Variants in MYO7B observed in about 807,000 individuals in gnomAD.
The protein encoded by MYO7B is myosin VIIB.
In MYO7B, 212 loss-of-function variants were observed where a neutral mutation model predicts 259.7. That is an observed-to-expected ratio of 0.82 (90% CI 0.73 to 0.91). The LOEUF is 0.91. MYO7B is among the 40% of genes least tolerant of loss of function. MYO7B has a pLI of 0.00. For synonymous variants in MYO7B, 1,197 were observed against 1,166.4 expected (o/e 1.03, Z -0.54); for missense variants, 2,732 against 2,813.5 (o/e 0.97, Z 0.66).
chr2:127,536,012 G>A (rs1238615753), intron 1 of MYO7B, among the ~76,000 whole-genome samples, 181 bp downstream of exon 1: 2 of 152,128 alleles, frequency 1.3e-5, no homozygotes, highest in African/African-American at 2.4e-5. Context: ...TCAGTCCATC[G>A]GGCTGAAGGG....
Position 127,631,171 on chromosome 2 carries a change from C to T in MYO7B, c.4938-35C>T, listed in dbSNP as rs1681481218. On this transcript the variant is annotated intron_variant, in intron 36 of 47. Coordinates refer to ENST00000409816, the MANE Select transcript of MYO7B (RefSeq NM_001393586.1). Reference sequence around the variant, plus strand: ...GAGAAGCGTGGGACAGAGAAGGCCACAGGGCAGGCCTCACACCAGCCTCTA... The same window carrying T: ...GAGAAGCGTGGGACAGAGAAGGCCATAGGGCAGGCCTCACACCAGCCTCTA... The T allele has an allele frequency of 1.9e-6, 3 of 1,554,112 alleles. No individual in the cohort carries two copies. The South Asian group carries it at 3.6e-5, about 19-fold the overall frequency.
At position 127,620,474 on chromosome 2, in the gene MYO7B, G is replaced by A. The variant is rs745811337; in HGVS notation, c.3525+8G>A. 1.3e-6 allele frequency: 2 copies of A among 1,542,308 alleles called. No homozygotes were observed. The highest frequency in any genetic ancestry group is 1.8e-6 in the Non-Finnish European group (2 of 1,132,866). The stretch of plus-strand genomic sequence containing the variant: ...TCAGAGAGGTTCATGAAGGTGAGAG[G>A]GTTCATGAAGGGAGGGCGGGCAGGG... On this transcript the variant is annotated splice_region_variant and intron_variant, in intron 27 of 47. Transcript: ENST00000409816.
At chr2:127,570,851 C>T (rs192639302) in intron 6 of MYO7B, among the ~76,000 whole-genome samples, 124 of 152,042 alleles carry the variant, frequency 8.2e-4, no homozygotes, top group African/African-American at 2.7e-3. Flanking sequence ...AGTAAAATCA[C>T]AGGGTTTGTA....
In MYO7B at chr2:127,546,651, C is replaced by A. The variant is rs1256101189; in HGVS notation, c.-24+10820C>A. On this transcript the variant is annotated intron_variant, in intron 1 of 47. Transcript: ENST00000409816. The surrounding 1 kb of genome is among the most constrained non-coding windows in gnomAD (Gnocchi z 4.2). ...TCAGCCACACTGACCTGCCTCAGGGCTTAACAAAAGGAACTGGACTAAGAA... is the reference window on the plus strand; with the variant it reads ...TCAGCCACACTGACCTGCCTCAGGGATTAACAAAAGGAACTGGACTAAGAA... 6.6e-6 allele frequency among the ~76,000 whole-genome samples: 1 copy of A among 152,180 alleles called. No individual in the cohort carries two copies. The highest frequency in any genetic ancestry group is 1.5e-5 in the Non-Finnish European group (1 of 68,032).
At chr2:127,593,712 AGGCCC>A in intron 18 of MYO7B, 68 bp downstream of exon 18, 1 of 1,432,232 alleles carries the variant, frequency 7.0e-7, no homozygotes, top group Non-Finnish European at 9.8e-7. Flanking sequence ...CTCTTGCACC[AGGCCC>A]GGGGTCCATG....
At chr2:127,588,634 T>G in intron 15 of MYO7B, 79 bp downstream of exon 15, 1 of 1,550,450 alleles carries the variant, frequency 6.4e-7, no homozygotes, top group Non-Finnish European at 8.8e-7. Flanking sequence ...GAAAGACTGT[T>G]TTACTCACCT....
At position 127,634,327 on chromosome 2, in the gene MYO7B, G is replaced by A. The variant is rs115958237; in HGVS notation, c.5625+38G>A. 6.7e-3 allele frequency: 9,728 copies of A among 1,460,710 alleles called. 43 individuals are homozygous for A. Among genetic ancestry groups the A allele is most frequent in the Non-Finnish European group, 7.7e-3 (8,310 of 1,079,558 alleles). The allele number at this position is 1,460,710 out of a possible 1,614,324, so 90.5% of individuals were successfully genotyped here. A position where few individuals can be genotyped will look rare whatever the true frequency, so the allele number is the denominator to read the frequency against. Reference sequence around the variant, plus strand: ...GGGGCTGGGCAGACGGTGGGCGGACGGGCAGTGAGCGAGGCCCTAGGTGCT... The same window carrying A: ...GGGGCTGGGCAGACGGTGGGCGGACAGGCAGTGAGCGAGGCCCTAGGTGCT... On this transcript the variant is annotated intron_variant, in intron 41 of 47. Coordinates refer to ENST00000409816, the MANE Select transcript of MYO7B (RefSeq NM_001393586.1).
chr2:127,623,266 T>C lies in MYO7B; in HGVS notation c.3710T>C (p.Val1237Ala), dbSNP rs1172979855. Residue 1237 changes from valine (V) to alanine (A), a missense_variant, in exon 29 of 48, where the codon GTC becomes GCC. By Grantham distance (64) the Val-to-Ala change is moderately conservative (BLOSUM62 0). Coordinates refer to ENST00000409816, the MANE Select transcript of MYO7B (RefSeq NM_001393586.1). Reference sequence around the variant, plus strand: ...TTGGCCACTGGAGAGAGCCTAACCGTCCCCGTGGACTCAGCCTCCACATCT... The same window carrying C: ...TTGGCCACTGGAGAGAGCCTAACCGCCCCCGTGGACTCAGCCTCCACATCT... The part of the protein sequence containing the change: ...VILATGESLT[V>A]PVDSASTSRE... 6.2e-7 allele frequency: 1 copy of C among 1,613,400 alleles called. No individual in the cohort carries two copies. Among genetic ancestry groups the C allele is most frequent in the African/African-American group, 1.3e-5 (1 of 74,866 alleles).
chr2:127,607,191 C>T lies in MYO7B; in HGVS notation c.2425-15C>T, dbSNP rs540821504. The T allele has an allele frequency of 1.6e-5, 25 of 1,543,120 alleles. No homozygotes were observed. In the African/African-American group the frequency reaches 2.6e-4, roughly 16 times the overall value. On this transcript the variant is annotated splice_polypyrimidine_tract_variant and intron_variant, in intron 20 of 47. Transcript: ENST00000409816. The surrounding 1 kb of genome is among the most constrained non-coding windows in gnomAD (Gnocchi z 4.4). ...CCTTCTTGCCCCTGATCTCACCTCT[C>T]TCTTGCCTCCGCAGATCCTCGTGGG...
Position 127,633,339 on chromosome 2 carries a change from C to T in MYO7B, c.5487C>T (p.Ile1829=). 6.2e-7 allele frequency: 1 copy of T among 1,613,080 alleles called. No individual in the cohort carries two copies. The highest frequency in any genetic ancestry group is 8.5e-7 in the Non-Finnish European group (1 of 1,179,792). Residue 1829 remains isoleucine, a synonymous_variant, in exon 40 of 48, where the codon ATC becomes ATT. Transcript: ENST00000409816. ...ACGTCTCCCGCATCTGCCACAAGAT[C>T]TACTTCCCCAATGACACCAGTGAGG... ...EQNVSRICHK[I]YFPNDTSEML... is the part of the protein sequence containing the mutation.
In MYO7B at chr2:127,588,265, G is replaced by T. The variant is rs556422709; in HGVS notation, c.1691-127G>T. On this transcript the variant is annotated intron_variant, in intron 14 of 47. Transcript: ENST00000409816. ...GGGTAGAGGGGTGGAGAGCATGGCC[G>T]TAGTGGGGCCATTGTAGGAGGGGGC... The T allele has an allele frequency of 7.5e-6, 8 of 1,063,602 alleles. No individual in the cohort carries two copies. In the East Asian group the frequency reaches 1.8e-4, roughly 24 times the overall value. 65.9% of individuals were successfully genotyped at this position (1,063,602 alleles called of 1,614,324 possible).
rs1677960623 is a variant in MYO7B, at chr2:127,559,142, A to G, written c.-23-558A>G. On this transcript the variant is annotated intron_variant, in intron 1 of 47. Coordinates refer to ENST00000409816, the MANE Select transcript of MYO7B (RefSeq NM_001393586.1). The surrounding 1 kb of genome is among the most constrained non-coding windows in gnomAD (Gnocchi z 4.1). Reference sequence around the variant, plus strand: ...CTCCTCCTGCTGGGCCTGGCTGCCTACTTGGGCCTGGCTGCCTGCTCCCTC... The same window carrying G: ...CTCCTCCTGCTGGGCCTGGCTGCCTGCTTGGGCCTGGCTGCCTGCTCCCTC... Among the ~76,000 whole-genome samples, 1 of 152,092 alleles carries G rather than the reference A, an allele frequency of 6.6e-6. No individual in the cohort carries two copies. The highest frequency in any genetic ancestry group is 6.5e-5 in the Admixed American group (1 of 15,268).
At chr2:127,625,340 G>A (rs547884495) in intron 30 of MYO7B, 28 bp from the exon 31 acceptor site, 28 of 1,489,396 alleles carry the variant, frequency 1.9e-5, no homozygotes, top group South Asian at 1.1e-4. Flanking sequence ...TGTCTCACTC[G>A]CCCCCGTGGG....
rs1481559691 is a variant in MYO7B at position 127,597,852 on chromosome 2, G to A, written c.2339+1296G>A. Among the ~76,000 whole-genome samples, 3 of 151,946 alleles carry A rather than the reference G, an allele frequency of 2.0e-5. No individual in the cohort carries two copies. Among genetic ancestry groups the A allele is most frequent in the Admixed American group, 6.6e-5 (1 of 15,246 alleles). On this transcript the variant is annotated intron_variant, in intron 19 of 47. Coordinates refer to ENST00000409816, the MANE Select transcript of MYO7B (RefSeq NM_001393586.1). The surrounding 1 kb of genome is among the most constrained non-coding windows in gnomAD (Gnocchi z 4.8). ...GGGGTTTCGCCATGTTACCCAAACT[G>A]GTCTCAAACTCCTGGCCTCAAGTGA...
chr2:127,633,182 G>C, intron 39 of MYO7B, 76 bp from the exon 40 acceptor site: 2 of 1,140,688 alleles, frequency 1.8e-6, no homozygotes, highest in East Asian at 2.6e-5. Flanking sequence ...ACATGGTTTA[G>C]GGCCCACATC....
At chr2:127,538,498 T>C (rs1692879107) in intron 1 of MYO7B, among the ~76,000 whole-genome samples, 2 of 152,100 alleles carry the variant, frequency 1.3e-5, no homozygotes, top group South Asian at 4.1e-4. Flanking sequence ...CTCATCAGGT[T>C]AAGAGAGAGG....
At chr2:127,593,417 C>G in intron 17 of MYO7B, 129 bp from the exon 18 acceptor site, 1 of 865,854 alleles carries the variant, frequency 1.2e-6, no homozygotes, top group Non-Finnish European at 1.8e-6. Context: ...TGTGCCTGTG[C>G]CTGGGCGGGG....
intron 15 of MYO7B, among the ~76,000 whole-genome samples, chr2:127,589,381 G>A (rs1275598510): frequency 6.6e-6 from 1 of 151,390 alleles, no homozygotes; most frequent in Non-Finnish European, 1.5e-5. Flanking sequence ...ATGAATGGGT[G>A]CATGGGTGGG....
chr2:127,631,538 G>A (rs1335673079), intron 37 of MYO7B, 62 bp from the exon 38 acceptor site: 20 of 1,580,800 alleles, frequency 1.3e-5, no homozygotes, highest in East Asian at 1.1e-4. Flanking sequence ...CGGGGTCAGC[G>A]TCTATCCCCA....
Sources: gnomAD v4.1 joint callset for allele counts (sites outside exome capture counted in the v4.1 genomes callset) on GRCh38, gnomAD v4.1.1 for gene constraint, Gnocchi (gnomAD v3.1) non-coding constraint, MANE v1.5 for transcripts, NCBI Gene and HGNC (gene_info 2026-07-23, HGNC 2026-07-21) for gene names.